The following ANKRD30B variants were observed in gnomAD, a reference collection of about 807,000 sequenced individuals.
ANKRD30B encodes the protein ankyrin repeat domain 30B.
A neutral mutation model predicts 202.2 loss-of-function variants in ANKRD30B; 144 were observed. The observed-to-expected ratio is 0.71, with a 90% CI of 0.62 to 0.82. The LOEUF (loss-of-function observed/expected upper bound fraction) is 0.82, where lower values mean the gene tolerates loss of function less well. Among genes scored for constraint, ANKRD30B ranks in the 40% least tolerant of loss-of-function variants. The probability of loss-of-function intolerance (pLI) is 0.00; values close to 1 mark genes in which losing one functional copy is unlikely to be tolerated. For synonymous variants in ANKRD30B, 508 were observed against 561.3 expected, an observed-to-expected ratio of 0.91 and a Z score of 1.34; for missense variants, 1,487 against 1,669.1, an observed-to-expected ratio of 0.89 and a Z score of 1.90.
rs45530737 is a variant in ANKRD30B, at chr18:14,808,622, T to A, written c.2313+43T>A. 12 of 1,569,526 alleles carry A rather than the reference T, an allele frequency of 7.6e-6. 1 individual carries two copies. The highest frequency in any genetic ancestry group is 1.0e-5 in the Non-Finnish European group (12 of 1,152,198). On this transcript the variant is annotated intron_variant, in intron 25 of 43. Coordinates refer to ENST00000690538, the MANE Select transcript of ANKRD30B (RefSeq NM_001367607.2). ...TCTATGTTGAATATTAACTACATATTTTTGAAGTATACATTATATATTAAT... is the reference window on the plus strand; with the variant it reads ...TCTATGTTGAATATTAACTACATATATTTGAAGTATACATTATATATTAAT...
At chr18:14,818,673 C>G (rs1316072186) in intron 30 of ANKRD30B, among the ~76,000 whole-genome samples, 1 of 151,844 alleles carries the variant, frequency 6.6e-6, no homozygotes, top group Non-Finnish European at 1.5e-5. Flanking sequence ...CATCCATGTC[C>G]CTACAAAGGA....
the ANKRD30B span, among the ~76,000 whole-genome samples, chr18:14,885,616 A>G: frequency 6.6e-6 from 1 of 152,026 alleles, no homozygotes; most frequent in African/African-American, 2.4e-5. Flanking sequence ...CTTTTACTAC[A>G]GCTAGGTCCC....
chr18:14,844,558 CTT>C (rs893133245), intron 39 of ANKRD30B, among the ~76,000 whole-genome samples: 17 of 152,284 alleles, frequency 1.1e-4, no homozygotes, highest in African/African-American at 4.1e-4. Flanking sequence ...GTGCGTGTGT[CTT>C]TATAGTAGCA....
intron 16 of ANKRD30B, 109 bp from the exon 17 acceptor site, chr18:14,796,112 C>T: frequency 1.6e-6 from 2 of 1,231,204 alleles, no homozygotes; most frequent in Non-Finnish European, 2.4e-6. Flanking sequence ...AGTGTAATCC[C>T]TTTTCAATCC....
chr18:14,764,467 C>A (rs2143739686), intron 7 of ANKRD30B, among the ~76,000 whole-genome samples: 1 of 152,208 alleles, frequency 6.6e-6, no homozygotes, highest in Admixed American at 6.5e-5. Flanking sequence ...GATCTCGGCT[C>A]ACTGCAACCT....
At chr18:14,902,673 G>C in the ANKRD30B span, among the ~76,000 whole-genome samples, 2 of 152,052 alleles carry the variant, frequency 1.3e-5, no homozygotes, top group Non-Finnish European at 2.9e-5. Flanking sequence ...GTATCCTTTA[G>C]TTCCTCAGCC....
the ANKRD30B span, among the ~76,000 whole-genome samples, chr18:14,869,400 A>G: frequency 6.6e-6 from 1 of 151,668 alleles, no homozygotes; most frequent in East Asian, 1.9e-4. Flanking sequence ...GACAAGAAAT[A>G]TGAAATAATT....
At chr18:14,856,181 T>C (rs1378533268), downstream of ANKRD30B, among the ~76,000 whole-genome samples, 10 of 130,356 alleles carry the variant, frequency 7.7e-5, no homozygotes, top group East Asian at 2.4e-4. Flanking sequence ...CGCTCCTCAC[T>C]TCCCAGATGG....
the ANKRD30B span, among the ~76,000 whole-genome samples, chr18:14,908,386 C>G: frequency 6.6e-6 from 1 of 152,116 alleles, no homozygotes; most frequent in Non-Finnish European, 1.5e-5. Context: ...GTCTGCAGGC[C>G]CTCTCATCAG....
the ANKRD30B span, among the ~76,000 whole-genome samples, chr18:14,872,378 T>A: frequency 6.6e-6 from 1 of 152,216 alleles, no homozygotes; most frequent in Non-Finnish European, 1.5e-5. Context: ...ATCAGAAGAC[T>A]AAAAATCTCT....
chr18:14,838,709 T>C (rs1161873997), intron 36 of ANKRD30B, among the ~76,000 whole-genome samples: 4 of 152,202 alleles, frequency 2.6e-5, no homozygotes. Context: ...AAAAGATAAG[T>C]CTGTATTTGG....
chr18:14,867,119 GTGC>G, the ANKRD30B span, among the ~76,000 whole-genome samples: 1 of 133,680 alleles, frequency 7.5e-6, no homozygotes, highest in African/African-American at 2.7e-5. Context: ...ATCTGGGGCT[GTGC>G]TGCTTGTGGT....
At chr18:14,791,575 G>A in intron 16 of ANKRD30B, 84 bp downstream of exon 16, 4 of 1,049,344 alleles carry the variant, frequency 3.8e-6, no homozygotes, top group Non-Finnish European at 2.8e-6. Flanking sequence ...AATAGATGAA[G>A]AAAATTACCT....
chr18:14,892,742 CAAAAAAAAAAAAAAAA>C, the ANKRD30B span, among the ~76,000 whole-genome samples: 1 of 72,902 alleles, frequency 1.4e-5, no homozygotes, highest in Non-Finnish European at 2.3e-5. Context: ...TCTGTTTCAC[CAAAAAAAAAAAAAAAA>C]AAAAAAAAAA....
the ANKRD30B span, among the ~76,000 whole-genome samples, chr18:14,927,522 A>ACAGGAGGC: frequency 2.0e-5 from 3 of 152,234 alleles, no homozygotes; most frequent in Admixed American, 1.3e-4. Context: ...CATGGACAGC[A>ACAGGAGGC]CAGGAGGCCA....
At chr18:14,830,900 G>T (rs2143082846) in intron 33 of ANKRD30B, among the ~76,000 whole-genome samples, 1 of 152,182 alleles carries the variant, frequency 6.6e-6, no homozygotes. Context: ...AAAAACAGAG[G>T]GGCCGGGCGC....
the ANKRD30B span, among the ~76,000 whole-genome samples, chr18:14,880,475 G>A: frequency 5.9e-5 from 9 of 152,040 alleles, no homozygotes; most frequent in East Asian, 1.7e-3. Context: ...TTAACAGAAT[G>A]GTAATTTTCA....
At chr18:14,858,050 CG>C, downstream of ANKRD30B, among the ~76,000 whole-genome samples, 3 of 92,162 alleles carry the variant, frequency 3.3e-5, no homozygotes, top group Admixed American at 2.8e-4. Context: ...AGGGGGTGGC[CG>C]GGCAGAGGCG....
At chr18:14,765,475 G>A (rs1442583363) in intron 7 of ANKRD30B, among the ~76,000 whole-genome samples, 9 of 146,920 alleles carry the variant, frequency 6.1e-5, no homozygotes, top group African/African-American at 2.3e-4. Context: ...AAAAAAAAAA[G>A]AAAAAGAAAA....
Sources: allele counts gnomAD v4.1 joint callset (sites outside exome capture counted in the v4.1 genomes callset), GRCh38; gene constraint gnomAD v4.1.1; transcripts MANE v1.5; gene names NCBI Gene and HGNC (gene_info 2026-07-23, HGNC 2026-07-21).